Variants in CSDC2 observed in about 807,000 individuals in gnomAD.
The protein encoded by CSDC2 is cold shock domain containing C2, also known as cold shock domain-containing protein C2.
In CSDC2, 8 loss-of-function variants were observed where a neutral mutation model predicts 15.8. The ratio of observed to expected loss-of-function variants is 0.51; its 90% CI spans 0.30 to 0.92. The LOEUF (loss-of-function observed/expected upper bound fraction) is 0.92. Among genes scored for constraint, CSDC2 ranks in the 40% least tolerant of loss-of-function variants. The pLI is 0.07. For synonymous variants in CSDC2, 96 were observed against 92.3 expected (o/e 1.04, Z -0.23); for missense variants, 195 against 213.3 (o/e 0.91, Z 0.53).
chr22:41,565,768 T>C (rs535028024), intron 1 of CSDC2, among the ~76,000 whole-genome samples: 1 of 152,272 alleles, frequency 6.6e-6, no homozygotes, highest in African/African-American at 2.4e-5. Flanking sequence ...TCAGGTTATC[T>C]CCAAACAGCC....
chr22:41,562,696 G>A (rs2067093511), intron 1 of CSDC2, among the ~76,000 whole-genome samples: 1 of 152,068 alleles, frequency 6.6e-6, no homozygotes, highest in Non-Finnish European at 1.5e-5. Context: ...GGGCAGCCAG[G>A]ACCCAGAGCC....
intron 1 of CSDC2, among the ~76,000 whole-genome samples, chr22:41,564,467 A>G (rs1250584259): frequency 6.6e-6 from 1 of 151,906 alleles, no homozygotes; most frequent in Non-Finnish European, 1.5e-5. Context: ...TCACCGTGTT[A>G]GCCAGGATGG....
chr22:41,571,829 T>C lies in CSDC2; in HGVS notation c.-123-14T>C, dbSNP rs996431047. 2.6e-5 allele frequency: 13 copies of C among 497,784 alleles called. No individual in the cohort carries two copies. The highest frequency in any genetic ancestry group is 2.6e-4 in the African/African-American group (13 of 49,966). The allele number at this position is 497,784 out of a possible 1,614,324, so 30.8% of individuals were successfully genotyped here. A position where few individuals can be genotyped will look rare whatever the true frequency, so the allele number is the denominator to read the frequency against. The stretch of plus-strand genomic sequence containing the variant: ...TGGACTAGGCTCACCTGTGCCTCTT[T>C]CTTCCTCTTCCAGACGGAGCCCGTG... On this transcript the variant is annotated splice_polypyrimidine_tract_variant and intron_variant, in intron 1 of 3. Transcript: ENST00000306149.
At chr22:41,569,470 C>T (rs2067133834) in intron 1 of CSDC2, among the ~76,000 whole-genome samples, 1 of 152,192 alleles carries the variant, frequency 6.6e-6, no homozygotes, top group Non-Finnish European at 1.5e-5. Flanking sequence ...CCAGTGGACT[C>T]CCTGTCTATG....
At position 41,575,317 on chromosome 22, in the gene CSDC2, T is replaced by C. The variant is rs995477879; in HGVS notation, c.*422T>C. ...TGGCCCGGAGCCAGGCTCTCTGTGC[T>C]ACTTACATCTCCCTCCCTTGGCTGA... On this transcript the variant is annotated 3_prime_UTR_variant, in exon 4 of 4. Coordinates refer to ENST00000306149, the MANE Select transcript of CSDC2 (RefSeq NM_014460.4). The C allele has an allele frequency of 8.5e-5, 16 of 187,766 alleles. No homozygotes were observed. The highest frequency in any genetic ancestry group is 1.4e-4 in the Non-Finnish European group (13 of 91,218). The allele number at this position is 187,766 out of a possible 1,614,324, so 11.6% of individuals were successfully genotyped here.
chr22:41,562,286 C>G (rs1412890261), intron 1 of CSDC2, among the ~76,000 whole-genome samples: 2 of 151,762 alleles, frequency 1.3e-5, no homozygotes, highest in Admixed American at 1.3e-4. Context: ...CCTCTGGACC[C>G]TCCAAATTCT....
intron 1 of CSDC2, among the ~76,000 whole-genome samples, chr22:41,569,140 C>A (rs1482565337): frequency 1.3e-5 from 2 of 152,256 alleles, no homozygotes; most frequent in Non-Finnish European, 2.9e-5. Flanking sequence ...CCTCTGTCCC[C>A]ATCGCCTGCC....
chr22:41,575,457 TCA>T lies in CSDC2; in HGVS notation c.*564_*565del, dbSNP rs2067170531. The stretch of plus-strand genomic sequence containing the variant: ...ACTGACACGGAGGCACACAGGCCTC[TCA>T]CTGCCGAGGCCAGCCTTCCTTCCTG... On this transcript the variant is annotated 3_prime_UTR_variant, in exon 4 of 4. Transcript: ENST00000306149. 1 of 153,526 alleles carries T rather than the reference TCA, an allele frequency of 6.5e-6. No homozygotes were observed. The highest frequency in any genetic ancestry group is 1.5e-5 in the Non-Finnish European group (1 of 68,888). 9.5% of individuals were successfully genotyped at this position (153,526 alleles called of 1,614,324 possible).
At position 41,574,393 on chromosome 22, in the gene CSDC2, G is replaced by A. The variant is rs571860814; in HGVS notation, c.300-340G>A. On this transcript the variant is annotated intron_variant, in intron 3 of 3. Transcript: ENST00000306149. ...CGATTCTCCCACCTCAGCCTCCCAA[G>A]TAGCTGGAATTACAGGTGCCAGCCA... 5.3e-5 allele frequency among the ~76,000 whole-genome samples: 8 copies of A among 152,330 alleles called. No homozygotes were observed. The South Asian group carries it at 1.5e-3, about 28-fold the overall frequency.
chr22:41,574,514 C>A (rs1201458885), intron 3 of CSDC2, among the ~76,000 whole-genome samples: 1 of 152,232 alleles, frequency 6.6e-6, no homozygotes, highest in African/African-American at 2.4e-5. Context: ...ATCCGCCCGC[C>A]TCAGACTCCC....
At chr22:41,564,087 TAAAA>T (rs57009120) in intron 1 of CSDC2, among the ~76,000 whole-genome samples, 4 of 125,952 alleles carry the variant, frequency 3.2e-5, no homozygotes, top group Admixed American at 1.6e-4. Context: ...CCATCTCAAT[TAAAA>T]AAAAAAAAAA....
At chr22:41,571,155 C>T (rs1413859526) in intron 1 of CSDC2, among the ~76,000 whole-genome samples, 1 of 151,772 alleles carries the variant, frequency 6.6e-6, no homozygotes, top group African/African-American at 2.4e-5. Flanking sequence ...GAGTTCGAGA[C>T]CTGCCTGGCC....
chr22:41,574,582 G>C (rs1183405590), intron 3 of CSDC2, 151 bp from the exon 4 acceptor site: 2 of 873,502 alleles, frequency 2.3e-6, no homozygotes, highest in African/African-American at 1.7e-5. Flanking sequence ...CCGTTTTACA[G>C]ATTCGAGAGC....
intron 1 of CSDC2, among the ~76,000 whole-genome samples, chr22:41,571,251 G>A (rs1399830546): frequency 6.6e-6 from 1 of 152,144 alleles, no homozygotes; most frequent in Admixed American, 6.5e-5. Context: ...CTACTCAGGA[G>A]GCTGAGGCAG....
At chr22:41,572,467 CCCATCCATCCGT>C (rs908354464) in intron 2 of CSDC2, among the ~76,000 whole-genome samples, 1 of 140,262 alleles carries the variant, frequency 7.1e-6, no homozygotes, top group East Asian at 2.1e-4. Flanking sequence ...CATCCACCCA[CCCATCCATCCGT>C]CCATCCATCC....
chr22:41,573,557 C>T, intron 2 of CSDC2, 98 bp from the exon 3 acceptor site: 4 of 1,435,790 alleles, frequency 2.8e-6, no homozygotes, highest in Non-Finnish European at 3.8e-6. Flanking sequence ...TTTCTCACAG[C>T]CCTGAGGCAC....
intron 1 of CSDC2, among the ~76,000 whole-genome samples, chr22:41,562,571 C>T (rs367994307): frequency 1.3e-5 from 2 of 152,112 alleles, no homozygotes; most frequent in Non-Finnish European, 2.9e-5. Context: ...CTTGGGGACA[C>T]TCTCAGATGG....
chr22:41,574,318 T>G (rs1380460999), intron 3 of CSDC2, among the ~76,000 whole-genome samples: 1 of 152,126 alleles, frequency 6.6e-6, no homozygotes, highest in Non-Finnish European at 1.5e-5. Context: ...CAGGCTGGAG[T>G]GCAATGGCAC....
At chr22:41,570,531 G>A (rs542256543) in intron 1 of CSDC2, among the ~76,000 whole-genome samples, 1 of 152,236 alleles carries the variant, frequency 6.6e-6, no homozygotes, top group South Asian at 2.1e-4. Context: ...AAGCTCTGGG[G>A]TGGGAGGGGT....
Sources: allele counts gnomAD v4.1 joint callset (sites outside exome capture counted in the v4.1 genomes callset), GRCh38; gene constraint gnomAD v4.1.1; transcripts MANE v1.5; gene names NCBI Gene and HGNC (gene_info 2026-07-23, HGNC 2026-07-21).